Variants in PAX1 observed in about 807,000 individuals in gnomAD.
PAX1 encodes paired box protein Pax-1.
A neutral mutation model predicts 35.6 loss-of-function variants in PAX1; 18 were observed. That is an observed-to-expected ratio of 0.50 (90% CI 0.35 to 0.75). The LOEUF is 0.75. PAX1 is among the 30% of genes least tolerant of loss of function. The pLI is 0.01. For missense variants in PAX1, 760 were observed against 661.5 expected, an observed-to-expected ratio of 1.15 and a Z score of -1.63; for synonymous variants, 397 against 305.2, an observed-to-expected ratio of 1.30 and a Z score of -3.14.
At position 21,705,742 on chromosome 20, in the gene PAX1, G is replaced by A. The variant is rs1241847624; in HGVS notation, c.30G>A (p.Arg10=). 3 of 1,255,498 alleles carry A rather than the reference G, an allele frequency of 2.4e-6. No homozygotes were observed. The highest frequency in any genetic ancestry group is 3.1e-5 in the African/African-American group (2 of 64,358). The allele number at this position is 1,255,498 out of a possible 1,614,324, so 77.8% of individuals were successfully genotyped here. A position where few individuals can be genotyped will look rare whatever the true frequency, so the allele number is the denominator to read the frequency against. ...AGTTCACCCTGGGCCTGGGGTCGCG[G>A]GCGTGGAGAGTGTCCTGGGAGGGGG... The part of the protein sequence containing the change: MKFTLGLGS[R]AWRVSWEGAA... Residue 10 remains arginine, a synonymous_variant, in exon 1 of 5, where the codon CGG becomes CGA. Coordinates refer to ENST00000613128, the MANE Select transcript of PAX1 (RefSeq NM_001257096.2).
At chr20:21,710,539 C>T (rs1985166838) in intron 4 of PAX1, among the ~76,000 whole-genome samples, 2 of 152,216 alleles carry the variant, frequency 1.3e-5, no homozygotes, top group South Asian at 4.1e-4. Flanking sequence ...TGCTTTGCCT[C>T]CACCTGTCCA....
At chr20:21,708,129 G>A (rs1174259657) in intron 2 of PAX1, 2 of 307,990 alleles carry the variant, frequency 6.5e-6, no homozygotes, top group Non-Finnish European at 1.3e-5. Context: ...AACCCTGGGC[G>A]TTTCCAGAGG....
chr20:21,706,428 G>A lies in PAX1; in HGVS notation c.287-10G>A. 6.2e-7 allele frequency: 1 copy of A among 1,611,212 alleles called. No homozygotes were observed. On this transcript the variant is annotated splice_polypyrimidine_tract_variant and intron_variant, in intron 1 of 4. Coordinates refer to ENST00000613128, the MANE Select transcript of PAX1 (RefSeq NM_001257096.2). This position sits in a 1 kb window ranked among gnomAD's most constrained non-coding sequence, Gnocchi z 5.3. ...CCCCTCCGGCTCACTCTTGTCTGGC[G>A]CATCCGCAGAGCAGACGTATGGCGA...
Position 21,714,852 on chromosome 20 carries a change from T to C in PAX1, c.*290T>C. 5 of 1,474,126 alleles carry C rather than the reference T, an allele frequency of 3.4e-6. No individual in the cohort carries two copies. The highest frequency in any genetic ancestry group is 1.4e-5 in the African/African-American group (1 of 72,612). The allele number at this position is 1,474,126 out of a possible 1,614,324, so 91.3% of individuals were successfully genotyped here. A position where few individuals can be genotyped will look rare whatever the true frequency, so the allele number is the denominator to read the frequency against. On this transcript the variant is annotated 3_prime_UTR_variant, in exon 5 of 5. Transcript: ENST00000613128. The stretch of plus-strand genomic sequence containing the variant: ...CTTGCTCTGACGTGGCCTCCTTCGC[T>C]CTGCCAGCTTCAAATTTCTTTTTTG...
rs1298425562 is a variant in PAX1, at chr20:21,718,104, G to C, written c.*3542G>C. 3.9e-5 allele frequency: 6 copies of C among 152,150 alleles called. No homozygotes were observed. The South Asian group carries it at 8.3e-4, about 21-fold the overall frequency. 9.4% of individuals were successfully genotyped at this position (152,150 alleles called of 1,614,324 possible). The stretch of plus-strand genomic sequence containing the variant: ...ATTACCGAGGATTTATTAAAAACAG[G>C]GTATTTGTAAAGAGGGCCAGCTTCG... On this transcript the variant is annotated 3_prime_UTR_variant, in exon 5 of 5. Transcript: ENST00000613128.
At position 21,706,188 on chromosome 20, in the gene PAX1, C is replaced by T. The variant is rs1032123177; in HGVS notation, c.286+190C>T. Reference sequence around the variant, plus strand: ...CTGGGAAGGGAGTGTTCCAAGTAGACGCGCTAAAAGTCGCGAAAGGGCACG... The same window carrying T: ...CTGGGAAGGGAGTGTTCCAAGTAGATGCGCTAAAAGTCGCGAAAGGGCACG... On this transcript the variant is annotated intron_variant, in intron 1 of 4. Coordinates refer to ENST00000613128, the MANE Select transcript of PAX1 (RefSeq NM_001257096.2). This position sits in a 1 kb window ranked among gnomAD's most constrained non-coding sequence, Gnocchi z 5.3. The T allele has an allele frequency of 6.5e-6, 5 of 771,548 alleles. No homozygotes were observed. In the African/African-American group the frequency reaches 6.8e-5, roughly 11 times the overall value. The allele number at this position is 771,548 out of a possible 1,614,324, so 47.8% of individuals were successfully genotyped here.
chr20:21,714,972 C>T lies in PAX1; in HGVS notation c.*410C>T, dbSNP rs1985321756. 4 of 697,832 alleles carry T rather than the reference C, an allele frequency of 5.7e-6. No individual in the cohort carries two copies. The highest frequency in any genetic ancestry group is 1.0e-5 in the Non-Finnish European group (4 of 394,712). 43.2% of individuals were successfully genotyped at this position (697,832 alleles called of 1,614,324 possible). A position where few individuals can be genotyped will look rare whatever the true frequency, so the allele number is the denominator to read the frequency against. On this transcript the variant is annotated 3_prime_UTR_variant, in exon 5 of 5. Coordinates refer to ENST00000613128, the MANE Select transcript of PAX1 (RefSeq NM_001257096.2). ...CCTCCCTTCCCTTTCTCTTTCCCTT[C>T]CTCCCTACCTTCCACCCCGGCTTTC...
At chr20:21,714,371 A>G in intron 4 of PAX1, 100 bp from the exon 5 acceptor site, 1 of 835,792 alleles carries the variant, frequency 1.2e-6, no homozygotes, top group Non-Finnish European at 1.8e-6. Context: ...TCAAGGGTTG[A>G]GCGCTCACGA....
At chr20:21,713,125 T>C (rs1328067590) in intron 4 of PAX1, among the ~76,000 whole-genome samples, 1 of 152,128 alleles carries the variant, frequency 6.6e-6, no homozygotes, top group African/African-American at 2.4e-5. Context: ...ATGAGTTCAG[T>C]TTCTTGCTTG....
Position 21,718,083 on chromosome 20 carries a change from C to G in PAX1, c.*3521C>G, listed in dbSNP as rs1377172338. The G allele has an allele frequency of 2.0e-5, 3 of 152,148 alleles. No homozygotes were observed. The highest frequency in any genetic ancestry group is 4.4e-5 in the Non-Finnish European group (3 of 68,042). 9.4% of individuals were successfully genotyped at this position (152,148 alleles called of 1,614,324 possible). On this transcript the variant is annotated 3_prime_UTR_variant, in exon 5 of 5. Coordinates refer to ENST00000613128, the MANE Select transcript of PAX1 (RefSeq NM_001257096.2). ...TATTCTCGTGAATGGATGTCTATTACCGAGGATTTATTAAAAACAGGGTAT... is the reference window on the plus strand; with the variant it reads ...TATTCTCGTGAATGGATGTCTATTAGCGAGGATTTATTAAAAACAGGGTAT...
intron 2 of PAX1, among the ~76,000 whole-genome samples, chr20:21,707,691 C>T (rs556285398): frequency 6.6e-6 from 1 of 152,302 alleles, no homozygotes; most frequent in Non-Finnish European, 1.5e-5. Context: ...TTTGGAACAA[C>T]TTTGATGCCT....
intron 4 of PAX1, among the ~76,000 whole-genome samples, chr20:21,712,876 C>T (rs1985240375): frequency 6.6e-6 from 1 of 151,966 alleles, no homozygotes; most frequent in African/African-American, 2.4e-5. Flanking sequence ...TCTCAGAGTG[C>T]CCTGCAATTG....
rs775867751 is a variant in PAX1 at position 21,706,826 on chromosome 20, C to T, written c.675C>T (p.Ile225=). 5 of 1,613,382 alleles carry T rather than the reference C, an allele frequency of 3.1e-6. No individual in the cohort carries two copies. The highest frequency in any genetic ancestry group is 4.2e-6 in the Non-Finnish European group (5 of 1,180,024). The change falls in exon 2 of 5, where the codon ATC becomes ATT. Residue 225 remains isoleucine, a synonymous_variant. Transcript: ENST00000613128. The surrounding 1 kb of genome is among the most constrained non-coding windows in gnomAD (Gnocchi z 5.3). The part of the protein sequence containing the change: ...SSISRILRNK[I]GSLAQPGPYE... ...TCAGCCGCATCCTGCGCAACAAGAT[C>T]GGCAGCCTGGCGCAGCCCGGACCGT...
Position 21,717,112 on chromosome 20 carries a change from C to G in PAX1, c.*2550C>G, listed in dbSNP as rs575993158. On this transcript the variant is annotated 3_prime_UTR_variant, in exon 5 of 5. Coordinates refer to ENST00000613128, the MANE Select transcript of PAX1 (RefSeq NM_001257096.2). Reference sequence around the variant, plus strand: ...GCCACCTGCAAAGGGAGGCATTTTTCAAATCTGCCTCTTGTTCCCTGTATC... The same window carrying G: ...GCCACCTGCAAAGGGAGGCATTTTTGAAATCTGCCTCTTGTTCCCTGTATC... 1 of 152,318 alleles carries G rather than the reference C, an allele frequency of 6.6e-6. No individual in the cohort carries two copies. Among genetic ancestry groups the G allele is most frequent in the Admixed American group, 6.5e-5 (1 of 15,304 alleles). The allele number at this position is 152,318 out of a possible 1,614,324, so 9.4% of individuals were successfully genotyped here.
In PAX1 at chr20:21,709,498, C is replaced by A. The variant is rs1985133486; in HGVS notation, c.1282+54C>A. ...GATGCTGGAAGGGTTAGGAAGGGTA[C>A]TGGGGAGCGGGTGTGAGCCTGGGAA... is the stretch of plus-strand genomic sequence containing the variant. On this transcript the variant is annotated intron_variant, in intron 4 of 4. Transcript: ENST00000613128. The A allele has an allele frequency of 9.6e-6, 13 of 1,349,452 alleles. 1 individual carries two copies. In the South Asian group the frequency reaches 1.6e-4, roughly 16 times the overall value. 83.6% of individuals were successfully genotyped at this position (1,349,452 alleles called of 1,614,324 possible).
chr20:21,716,901 G>A lies in PAX1; in HGVS notation c.*2339G>A, dbSNP rs1480376692. On this transcript the variant is annotated 3_prime_UTR_variant, in exon 5 of 5. Transcript: ENST00000613128. ...AGAAGGACTGGCTTGCTCAGGCCAG[G>A]AGGAAGACATCACATCCCTTTCTGA... 6.6e-6 allele frequency: 1 copy of A among 152,204 alleles called. No individual in the cohort carries two copies. Among genetic ancestry groups the A allele is most frequent in the African/African-American group, 2.4e-5 (1 of 41,448 alleles). 9.4% of individuals were successfully genotyped at this position (152,204 alleles called of 1,614,324 possible).
Position 21,707,062 on chromosome 20 carries a change from A to G in PAX1, c.911A>G (p.Gln304Arg), listed in dbSNP as rs775159024. ...NILGIRTFME[Q>R]TGALAGSEGT... ...CTGGGCATCCGGACGTTTATGGAGC[A>G]AACAGGTCAGTTGTGGCGGCCTCCG... The change falls in exon 2 of 5, where the codon CAA becomes CGA. Residue 304 changes from glutamine (Q) to arginine (R), a missense_variant. Gln to Arg is a conservative substitution (Grantham distance 43). Around this residue, in one of 3 missense-constraint regions of PAX1, gnomAD observed 490 missense variants for 428.4 expected, o/e 1.14. Transcript: ENST00000613128. The G allele has an allele frequency of 4.3e-6, 7 of 1,612,934 alleles. No individual in the cohort carries two copies. The highest frequency in any genetic ancestry group is 3.3e-5 in the South Asian group (3 of 91,094).
chr20:21,707,161 G>C, intron 2 of PAX1, 94 bp downstream of exon 2: 1 of 1,513,334 alleles, frequency 6.6e-7, no homozygotes, highest in Non-Finnish European at 9.0e-7. Flanking sequence ...TCTCCTCCCG[G>C]GACCGGTTCT....
At position 21,715,033 on chromosome 20, in the gene PAX1, T is replaced by C; in HGVS notation, c.*471T>C. On this transcript the variant is annotated 3_prime_UTR_variant, in exon 5 of 5. Coordinates refer to ENST00000613128, the MANE Select transcript of PAX1 (RefSeq NM_001257096.2). ...CAGGGCTCCCTCTGCCCTTCCACTC[T>C]CTTTTCCTTGCTCCGACCTCTGCTC... is the stretch of plus-strand genomic sequence containing the variant. 1.6e-6 allele frequency: 1 copy of C among 615,474 alleles called. No individual in the cohort carries two copies. The highest frequency in any genetic ancestry group is 1.8e-5 in the African/African-American group (1 of 54,230). 38.1% of individuals were successfully genotyped at this position (615,474 alleles called of 1,614,324 possible).
Sources: allele counts gnomAD v4.1 joint callset (sites outside exome capture counted in the v4.1 genomes callset), GRCh38; gene constraint gnomAD v4.1.1; regional missense constraint gnomAD v4.1.1; non-coding constraint Gnocchi (gnomAD v3.1); transcripts MANE v1.5; gene names NCBI Gene and HGNC (gene_info 2026-07-23, HGNC 2026-07-21).